SORL1: variants seen among roughly 807,000 people sequenced by gnomAD.
The protein encoded by SORL1 is sortilin related receptor 1.
SORL1 carries 127 observed loss-of-function variants against 273.7 expected under a neutral mutation model. The observed-to-expected ratio is 0.46, with a 90% CI of 0.40 to 0.54. The LOEUF is 0.54. Among genes scored for constraint, SORL1 ranks in the 20% least tolerant of loss-of-function variants. The pLI, the probability that SORL1 is intolerant of heterozygous loss-of-function variation, is 0.00. For synonymous variants in SORL1, 1,031 were observed against 1,067.4 expected (o/e 0.97, Z 0.66); for missense variants, 2,494 against 2,846.1 (o/e 0.88, Z 2.81).
Position 121,605,135 on chromosome 11 carries a change from A to C in SORL1, c.4674A>C (p.Val1558=). The C allele has an allele frequency of 1.2e-6, 2 of 1,613,100 alleles. No individual in the cohort carries two copies. Among genetic ancestry groups the C allele is most frequent in the Non-Finnish European group, 1.7e-6 (2 of 1,179,452 alleles). ...TAGATGAGTTGACTGTGTACAAAGT[A>C]CAGAATCTTCAGTGGACAGCTGACT... ...ACSDELTVYK[V]QNLQWTADFS... The change falls in exon 34 of 48, where the codon GTA becomes GTC. Residue 1558 remains valine, a synonymous_variant. Transcript: ENST00000260197.
At position 121,595,858 on chromosome 11, in the gene SORL1, C is replaced by T; in HGVS notation, c.4519+86C>T. On this transcript the variant is annotated intron_variant, in intron 32 of 47. Transcript: ENST00000260197. The surrounding 1 kb of genome is among the most constrained non-coding windows in gnomAD (Gnocchi z 5.1). ...TGCTTCTGCTTCATTTCTGGATCAGCACACGCCTGTGTGTGAGTCTGTGTA... is the reference window on the plus strand; with the variant it reads ...TGCTTCTGCTTCATTTCTGGATCAGTACACGCCTGTGTGTGAGTCTGTGTA... The T allele has an allele frequency of 7.0e-7, 1 of 1,430,140 alleles. No homozygotes were observed. The highest frequency in any genetic ancestry group is 9.5e-7 in the Non-Finnish European group (1 of 1,047,214). The allele number at this position is 1,430,140 out of a possible 1,614,324, so 88.6% of individuals were successfully genotyped here. A position where few individuals can be genotyped will look rare whatever the true frequency, so the allele number is the denominator to read the frequency against.
At chr11:121,607,389 A>C in intron 37 of SORL1, 99 bp downstream of exon 37, 1 of 632,964 alleles carries the variant, frequency 1.6e-6, no homozygotes, top group Non-Finnish European at 2.8e-6. Context: ...TGTGAGATGC[A>C]TATTAGTAAT....
intron 32 of SORL1, among the ~76,000 whole-genome samples, chr11:121,598,645 T>A (rs1473237289): frequency 6.6e-6 from 1 of 152,266 alleles, no homozygotes. Flanking sequence ...CACACTTTTG[T>A]TGTTCCTTGT....
intron 8 of SORL1, among the ~76,000 whole-genome samples, chr11:121,519,160 A>G (rs1016866520): frequency 4.0e-5 from 6 of 151,746 alleles, no homozygotes; most frequent in Non-Finnish European, 7.4e-5. Flanking sequence ...GTTGGCCAGG[A>G]TGGTCTCGAT....
rs754246047 is a variant in SORL1 at position 121,619,796 on chromosome 11, T to C, written c.5768T>C (p.Val1923Ala). The C allele has an allele frequency of 4.3e-6, 7 of 1,613,812 alleles. No individual in the cohort carries two copies. The highest frequency in any genetic ancestry group is 2.2e-5 in the East Asian group (1 of 44,900). The change falls in exon 43 of 48, where the codon GTT (valine) becomes GCT (alanine). Residue 1923 changes from valine to alanine, a missense_variant. Physicochemically the swap from Val to Ala is moderately conservative, Grantham distance 64. Coordinates refer to ENST00000260197, the MANE Select transcript of SORL1 (RefSeq NM_003105.6). ...TACCAGGGGCCATCCTCTGACTACG[T>C]TGTAGTGAAGATGATCCCGGACAGC... ...VPYQGPSSDY[V>A]VVKMIPDSRL...
At chr11:121,628,651 C>T (rs1863832915) in intron 47 of SORL1, among the ~76,000 whole-genome samples, 1 of 152,140 alleles carries the variant, frequency 6.6e-6, no homozygotes, top group South Asian at 2.1e-4. Flanking sequence ...AATCTTTGCA[C>T]AATGAAAACC....
At chr11:121,520,998 G>T in intron 9 of SORL1, 149 bp downstream of exon 9, 1 of 477,650 alleles carries the variant, frequency 2.1e-6, no homozygotes. Context: ...TATTTGTGTT[G>T]CTACACTTGC....
At chr11:121,501,490 A>T (rs1486329785) in intron 6 of SORL1, among the ~76,000 whole-genome samples, 2 of 152,302 alleles carry the variant, frequency 1.3e-5, no homozygotes, top group African/African-American at 4.8e-5. Context: ...GTCCATTTTC[A>T]TACTGCTATG....
intron 25 of SORL1, among the ~76,000 whole-genome samples, chr11:121,577,618 T>C (rs1228092499): frequency 6.6e-6 from 1 of 152,242 alleles, no homozygotes. Flanking sequence ...AACAGTGTTC[T>C]GAGTGATATC....
At chr11:121,491,825 A>G (rs1411429511) in intron 5 of SORL1, among the ~76,000 whole-genome samples, 1 of 152,190 alleles carries the variant, frequency 6.6e-6, no homozygotes, top group Non-Finnish European at 1.5e-5. Flanking sequence ...TATTCAAATA[A>G]ATTAGATCAT....
In SORL1 at chr11:121,563,217, C is replaced by T. The variant is rs80256323; in HGVS notation, c.3049+3560C>T. ...AAGCCTGAACTTCGATAAAACCACC[C>T]GGCTCTGCTCCCTCTGTCATGTGTT... On this transcript the variant is annotated intron_variant, in intron 21 of 47. Coordinates refer to ENST00000260197, the MANE Select transcript of SORL1 (RefSeq NM_003105.6). This position sits in a 1 kb window ranked among gnomAD's most constrained non-coding sequence, Gnocchi z 4.2. Among the ~76,000 whole-genome samples the T allele has an allele frequency of 6.6e-6, 1 of 152,146 alleles. No homozygotes were observed. Among genetic ancestry groups the T allele is most frequent in the Non-Finnish European group, 1.5e-5 (1 of 68,026 alleles).
In SORL1 at chr11:121,554,024, C is replaced by T; in HGVS notation, c.2354C>T (p.Thr785Ile). Residue 785 changes from threonine to isoleucine, a missense_variant, in exon 17 of 48, where the codon ACC becomes ATC. Physicochemically the swap from Thr to Ile is moderately conservative, Grantham distance 89. Coordinates refer to ENST00000260197, the MANE Select transcript of SORL1 (RefSeq NM_003105.6). The surrounding 1 kb of genome is among the most constrained non-coding windows in gnomAD (Gnocchi z 4.6). Reference protein sequence around the residue: ...ASGATEQLPLTGLRAAVALDF... With the variant: ...ASGATEQLPLIGLRAAVALDF... ...GGAGCCACCGAGCAGTTGCCTCTCA[C>T]CGGGCTACGGGCAGCAGTGGCCCTG... 1 of 1,614,190 alleles carries T rather than the reference C, an allele frequency of 6.2e-7. No homozygotes were observed. Among genetic ancestry groups the T allele is most frequent in the Non-Finnish European group, 8.5e-7 (1 of 1,180,016 alleles).
chr11:121,484,856 C>G (rs575421400), intron 3 of SORL1, among the ~76,000 whole-genome samples: 1 of 152,058 alleles, frequency 6.6e-6, no homozygotes, highest in Admixed American at 6.6e-5. Context: ...CAGGTTCAAG[C>G]GATTCTTGCA....
intron 3 of SORL1, among the ~76,000 whole-genome samples, chr11:121,485,177 G>A (rs1005481750): frequency 1.3e-5 from 2 of 152,228 alleles, no homozygotes; most frequent in Non-Finnish European, 2.9e-5. Flanking sequence ...CAAGGAGCCA[G>A]CAGAGGAGAA....
At position 121,547,769 on chromosome 11, in the gene SORL1, A is replaced by T. The variant is rs530182094; in HGVS notation, c.2052-2191A>T. ...CTGCTGGAAGGCAGCCAGCCCAACT[A>T]TATGGCTCTTGGAGATGTTTGATGG... is the stretch of plus-strand genomic sequence containing the variant. On this transcript the variant is annotated intron_variant, in intron 14 of 47. Coordinates refer to ENST00000260197, the MANE Select transcript of SORL1 (RefSeq NM_003105.6). Among the ~76,000 whole-genome samples, 15 of 152,176 alleles carry T rather than the reference A, an allele frequency of 9.9e-5. No individual in the cohort carries two copies. The South Asian group carries it at 2.9e-3, about 29-fold the overall frequency.
chr11:121,521,564 G>A (rs535290676), intron 9 of SORL1, among the ~76,000 whole-genome samples: 1 of 152,174 alleles, frequency 6.6e-6, no homozygotes, highest in Non-Finnish European at 1.5e-5. Context: ...CTGAGTTTAG[G>A]TGGTGGAAGG....
chr11:121,632,581 A>G lies in SORL1; in HGVS notation c.*3018A>G, dbSNP rs1863890239. 6.6e-6 allele frequency: 1 copy of G among 151,428 alleles called. No homozygotes were observed. Among genetic ancestry groups the G allele is most frequent in the Admixed American group, 6.6e-5 (1 of 15,148 alleles). The allele number at this position is 151,428 out of a possible 1,614,324, so 9.4% of individuals were successfully genotyped here. On this transcript the variant is annotated 3_prime_UTR_variant, in exon 48 of 48. Coordinates refer to ENST00000260197, the MANE Select transcript of SORL1 (RefSeq NM_003105.6). The stretch of plus-strand genomic sequence containing the variant: ...CACAGCTGCCTGTTCTCTCCTGCCC[A>G]TCATGTTTGGCCCACTAGATGAAGC...
chr11:121,514,456 T>A (rs1861922546), intron 8 of SORL1, 135 bp downstream of exon 8: 2 of 825,270 alleles, frequency 2.4e-6, no homozygotes, highest in Non-Finnish European at 3.7e-6. Flanking sequence ...GATGCCTGGC[T>A]CACGTGCGCA....
chr11:121,613,419 G>T (rs1276098280), intron 40 of SORL1, among the ~76,000 whole-genome samples: 1 of 152,314 alleles, frequency 6.6e-6, no homozygotes, highest in East Asian at 1.9e-4. Flanking sequence ...TGTAACTGTT[G>T]AGAATGACTT....
Sources: allele counts gnomAD v4.1 joint callset (sites outside exome capture counted in the v4.1 genomes callset), GRCh38; gene constraint gnomAD v4.1.1; non-coding constraint Gnocchi (gnomAD v3.1); transcripts MANE v1.5; gene names NCBI Gene and HGNC (gene_info 2026-07-23, HGNC 2026-07-21).